The following AHI1 variants were observed in gnomAD, a reference collection of about 807,000 sequenced individuals.
AHI1 encodes jouberin.
Under a neutral mutation model 149.3 loss-of-function variants are expected in AHI1, and 123 were observed. That is an observed-to-expected ratio of 0.82 (90% CI 0.71 to 0.96). The LOEUF is 0.96. Ranked by LOEUF, AHI1 falls within the 40% of genes least tolerant of loss-of-function variation. The pLI, the probability that AHI1 is intolerant of heterozygous loss-of-function variation, is 0.00. For synonymous variants in AHI1, 475 were observed against 459.8 expected (o/e 1.03, Z -0.42); for missense variants, 1,439 against 1,422.7 (o/e 1.01, Z -0.18).
At chr6:135,482,055 C>A (rs1344898867) in intron 5 of AHI1, among the ~76,000 whole-genome samples, 1 of 151,676 alleles carries the variant, frequency 6.6e-6, no homozygotes, top group Non-Finnish European at 1.5e-5. Flanking sequence ...TTTCATATTT[C>A]TTCATTTATG....
intron 20 of AHI1, among the ~76,000 whole-genome samples, chr6:135,424,827 A>C (rs1015861342): frequency 1.3e-5 from 2 of 151,988 alleles, no homozygotes; most frequent in Non-Finnish European, 2.9e-5. Context: ...ATTTTTTTTA[A>C]ACACCACTTA....
chr6:135,401,571 G>A (rs1269300179), intron 22 of AHI1, among the ~76,000 whole-genome samples: 4 of 151,756 alleles, frequency 2.6e-5, no homozygotes, highest in Non-Finnish European at 4.4e-5. Flanking sequence ...TGACAAGGGT[G>A]CCAACACCAG....
rs1562218791 is a variant in AHI1, at chr6:135,457,488, A to AC, written c.1151+5_1151+6insG. On this transcript the variant is annotated splice_donor_region_variant and intron_variant, in intron 9 of 28. Transcript: ENST00000265602. ...AAGAATTAGTTGTGCAATTAAAAAAAATTACCTATCATCTTTCTTGACATA... is the reference window on the plus strand; with the variant it reads ...AAGAATTAGTTGTGCAATTAAAAAAACATTACCTATCATCTTTCTTGACATA... The AC allele has an allele frequency of 1.4e-5, 22 of 1,601,050 alleles. No homozygotes were observed. The highest frequency in any genetic ancestry group is 1.8e-5 in the Non-Finnish European group (21 of 1,171,310).
At chr6:135,434,715 C>A (rs1785147762) in intron 15 of AHI1, among the ~76,000 whole-genome samples, 1 of 151,798 alleles carries the variant, frequency 6.6e-6, no homozygotes, top group Non-Finnish European at 1.5e-5. Flanking sequence ...GAAAAAAAAT[C>A]AGACCAGATC....
At chr6:135,351,589 G>A (rs1278834577) in intron 24 of AHI1, among the ~76,000 whole-genome samples, 3 of 152,302 alleles carry the variant, frequency 2.0e-5, no homozygotes, top group Non-Finnish European at 4.4e-5. Flanking sequence ...GTGAGAAACC[G>A]TAGGCATATT....
At chr6:135,365,069 G>A (rs1773970322) in intron 23 of AHI1, among the ~76,000 whole-genome samples, 2 of 152,174 alleles carry the variant, frequency 1.3e-5, no homozygotes, top group South Asian at 4.1e-4. Context: ...ACCATTTGTT[G>A]AACAGGGTGT....
chr6:135,338,366 A>G lies in AHI1; in HGVS notation c.3166-15042T>C, dbSNP rs189399884. Among the ~76,000 whole-genome samples the G allele has an allele frequency of 1.9e-3, 294 of 152,226 alleles. 2 individuals are homozygous for G. The highest frequency in any genetic ancestry group is 6.4e-3 in the African/African-American group (268 of 41,572). On this transcript the variant is annotated intron_variant, in intron 24 of 28. Coordinates refer to ENST00000265602, the MANE Select transcript of AHI1 (RefSeq NM_001134831.2). ...TATCCCTGCGTTAGCACGTTAGCAT[A>G]TAATTCTAATTGTGATACATAAGGA...
chr6:135,294,698 C>CAAAAAAAAAAAAA (rs56734547), intron 27 of AHI1, among the ~76,000 whole-genome samples: 73 of 67,998 alleles, frequency 1.1e-3, no homozygotes, highest in African/African-American at 2.0e-3. Flanking sequence ...TCTCCAAATG[C>CAAAAAAAAAAAAA]AAAAAAAAAA....
At chr6:135,491,651 T>C (rs571008935) in intron 4 of AHI1, among the ~76,000 whole-genome samples, 2 of 152,356 alleles carry the variant, frequency 1.3e-5, no homozygotes, top group African/African-American at 2.4e-5. Flanking sequence ...GCTACTATTA[T>C]GAGGTCTGAC....
intron 23 of AHI1, among the ~76,000 whole-genome samples, chr6:135,374,102 ATATATATTTTTTT>A (rs1348386096): frequency 1.0e-3 from 45 of 43,578 alleles, no homozygotes; most frequent in African/African-American, 3.8e-3. Context: ...ATATATATAT[ATATATATTTTTTT>A]TTTTTTTTTT....
chr6:135,472,177 C>T (rs1791855030), intron 5 of AHI1, among the ~76,000 whole-genome samples: 1 of 152,010 alleles, frequency 6.6e-6, no homozygotes, highest in East Asian at 1.9e-4. Flanking sequence ...TCTACATGTC[C>T]TGTTACACAG....
At chr6:135,461,899 G>C (rs939865477) in intron 8 of AHI1, among the ~76,000 whole-genome samples, 3 of 151,940 alleles carry the variant, frequency 2.0e-5, no homozygotes, top group Non-Finnish European at 4.4e-5. Flanking sequence ...AACTCTGTTA[G>C]ATGTCCAGGT....
At position 135,466,284 on chromosome 6, in the gene AHI1, G is replaced by A. The variant is rs1205189543; in HGVS notation, c.279C>T (p.Ser93=). The change falls in exon 7 of 29, where the codon AGC becomes AGT. Residue 93 remains serine, a synonymous_variant. Transcript: ENST00000265602. ...TCAATTTGTTTTTAGTGACTCTCGT[G>A]CTCTTCTTCAGGTTGTTAGTGTTAG... ...SAANTNNLKK[S]TRVTKNKLRN... is the part of the protein sequence containing the mutation. The A allele has an allele frequency of 6.2e-6, 10 of 1,613,744 alleles. No individual in the cohort carries two copies. The East Asian group carries it at 1.8e-4, about 29-fold the overall frequency.
At chr6:135,290,620 A>G (rs946026542) in intron 27 of AHI1, 95 bp from the exon 28 acceptor site, 1 of 1,215,462 alleles carries the variant, frequency 8.2e-7, no homozygotes, top group Admixed American at 1.8e-5. Flanking sequence ...GGCAGTGGAA[A>G]CAAAAATGGG....
At chr6:135,361,645 TCACACACACACACACACACACACACA>T (rs57786531) in intron 23 of AHI1, among the ~76,000 whole-genome samples, 5 of 133,902 alleles carry the variant, frequency 3.7e-5, no homozygotes, top group East Asian at 4.3e-4. Context: ...AGGTATGGTT[TCACACACACACACACACACACACACA>T]CACACACACA....
intron 5 of AHI1, among the ~76,000 whole-genome samples, chr6:135,484,910 A>T (rs978648579): frequency 6.6e-6 from 1 of 152,168 alleles, no homozygotes; most frequent in Admixed American, 6.5e-5. Flanking sequence ...ATGTTAAACC[A>T]GCCAGCCATT....
intron 5 of AHI1, among the ~76,000 whole-genome samples, chr6:135,472,876 T>G (rs769687227): frequency 2.0e-5 from 3 of 152,218 alleles, no homozygotes; most frequent in Non-Finnish European, 4.4e-5. Flanking sequence ...TCTTAAAATA[T>G]TCTAGATACA....
chr6:135,321,913 C>T (rs1007693779), intron 25 of AHI1, among the ~76,000 whole-genome samples: 18 of 152,052 alleles, frequency 1.2e-4, no homozygotes, highest in African/African-American at 2.9e-4. Flanking sequence ...GCGATTCTCC[C>T]GCCTCAGCCT....
chr6:135,460,339 A>T (rs79925385), intron 8 of AHI1, among the ~76,000 whole-genome samples: 1,848 of 152,326 alleles, frequency 0.012, 42 homozygotes, highest in African/African-American at 0.042. Context: ...ATTAAGAAAC[A>T]TCAAATCCCA....
Sources: allele counts gnomAD v4.1 joint callset (sites outside exome capture counted in the v4.1 genomes callset), GRCh38; gene constraint gnomAD v4.1.1; transcripts MANE v1.5; gene names NCBI Gene and HGNC (gene_info 2026-07-23, HGNC 2026-07-21).